PRMT7: variants seen among roughly 807,000 people sequenced by gnomAD.
PRMT7 encodes the protein protein arginine N-methyltransferase 7.
Under a neutral mutation model 85.4 loss-of-function variants are expected in PRMT7, and 75 were observed. That is an observed-to-expected ratio of 0.88 (90% CI 0.73 to 1.06). The LOEUF is 1.06. Ranked by LOEUF, PRMT7 falls within the 50% of genes least tolerant of loss-of-function variation. The probability of loss-of-function intolerance (pLI) is 0.00; values close to 1 mark genes in which losing one functional copy is unlikely to be tolerated. For missense variants in PRMT7, 868 were observed against 915.2 expected, an observed-to-expected ratio of 0.95 and a Z score of 0.67; for synonymous variants, 397 against 359.5, an observed-to-expected ratio of 1.10 and a Z score of -1.18.
At chr16:68,333,846 C>G (rs1015842504) in intron 6 of PRMT7, among the ~76,000 whole-genome samples, 4 of 152,164 alleles carry the variant, frequency 2.6e-5, no homozygotes, top group African/African-American at 9.7e-5. Flanking sequence ...GACCTCGGCT[C>G]ACTGCAACCT....
At chr16:68,312,626 C>T (rs2044059789) in intron 2 of PRMT7, among the ~76,000 whole-genome samples, 1 of 152,134 alleles carries the variant, frequency 6.6e-6, no homozygotes, top group Non-Finnish European at 1.5e-5. Flanking sequence ...TCTATTTCCT[C>T]CTTGTAAATG....
At position 68,329,145 on chromosome 16, in the gene PRMT7, A is replaced by G. The variant is rs753033088; in HGVS notation, c.362A>G (p.Lys121Arg). The stretch of plus-strand genomic sequence containing the variant: ...AGTGATAAGATTAAGGTTATCAACA[A>G]GCATTCCACCGAGGTGACTGTAGGT... The part of the protein sequence containing the change: ...GFSDKIKVIN[K>R]HSTEVTVGPE... Residue 121 changes from lysine to arginine, a missense_variant, in exon 6 of 19, where the codon AAG becomes AGG. Transcript: ENST00000441236. 1.2e-6 allele frequency: 2 copies of G among 1,606,706 alleles called. No individual in the cohort carries two copies. Among genetic ancestry groups the G allele is most frequent in the Admixed American group, 1.7e-5 (1 of 60,000 alleles).
At chr16:68,349,688 G>T (rs1035220127) in intron 14 of PRMT7, among the ~76,000 whole-genome samples, 5 of 152,078 alleles carry the variant, frequency 3.3e-5, no homozygotes, top group Non-Finnish European at 7.4e-5. Context: ...GGACCCAGGA[G>T]TTCAAGACCA....
intron 6 of PRMT7, 65 bp downstream of exon 6, chr16:68,329,239 T>G: frequency 7.9e-7 from 1 of 1,263,290 alleles, no homozygotes; most frequent in Non-Finnish European, 1.1e-6. Context: ...AAAAGGGTTA[T>G]TCCAGTTACC....
At chr16:68,324,492 C>T (rs775464893) in intron 4 of PRMT7, 191 bp from the exon 5 acceptor site, 17 of 616,848 alleles carry the variant, frequency 2.8e-5, no homozygotes, top group Non-Finnish European at 4.3e-5. Context: ...CAGGGACAGT[C>T]GCTTAATAAA....
intron 16 of PRMT7, chr16:68,355,407 T>C: frequency 4.2e-6 from 1 of 237,868 alleles, no homozygotes. Context: ...ACAGCTGTGG[T>C]GGTCACCAAG....
chr16:68,314,294 G>T (rs933770099), intron 2 of PRMT7, among the ~76,000 whole-genome samples: 1 of 152,158 alleles, frequency 6.6e-6, no homozygotes, highest in African/African-American at 2.4e-5. Flanking sequence ...GCAGTGGTGC[G>T]GTCTCAGCTC....
chr16:68,321,301 AC>A, intron 3 of PRMT7, 124 bp from the exon 4 acceptor site: 2 of 724,758 alleles, frequency 2.8e-6, no homozygotes, highest in Non-Finnish European at 4.4e-6. Flanking sequence ...ATAAAAGACA[AC>A]CAAAAAATAG....
At chr16:68,337,964 T>C (rs1418396486) in intron 7 of PRMT7, among the ~76,000 whole-genome samples, 2 of 151,898 alleles carry the variant, frequency 1.3e-5, no homozygotes, top group African/African-American at 2.4e-5. Flanking sequence ...CTGCTTTGGA[T>C]TTTGTGCTGT....
chr16:68,339,597 G>C (rs1178241394), intron 8 of PRMT7, 34 bp downstream of exon 8: 9 of 1,608,270 alleles, frequency 5.6e-6, no homozygotes, highest in Non-Finnish European at 5.9e-6. Context: ...ATGGCGCTTT[G>C]AGACATTTGA....
At position 68,352,038 on chromosome 16, in the gene PRMT7, C is replaced by T. The variant is rs984007694; in HGVS notation, c.1414-210C>T. 8 of 551,128 alleles carry T rather than the reference C, an allele frequency of 1.5e-5. No individual in the cohort carries two copies. In the Admixed American group the frequency reaches 1.6e-4, roughly 11 times the overall value. 34.1% of individuals were successfully genotyped at this position (551,128 alleles called of 1,614,324 possible). A position where few individuals can be genotyped will look rare whatever the true frequency, so the allele number is the denominator to read the frequency against. On this transcript the variant is annotated intron_variant, in intron 14 of 18. Transcript: ENST00000441236. Reference sequence around the variant, plus strand: ...TACAGCCTCCAGGGCAGGTACAGAGCACCTTGCTGCCTTGCTTGTTTGTTG... The same window carrying T: ...TACAGCCTCCAGGGCAGGTACAGAGTACCTTGCTGCCTTGCTTGTTTGTTG...
chr16:68,337,972 TG>T lies in PRMT7; in HGVS notation c.504+402del, dbSNP rs1410999644. Among the ~76,000 whole-genome samples, 5 of 152,000 alleles carry T rather than the reference TG, an allele frequency of 3.3e-5. No individual in the cohort carries two copies. The South Asian group carries it at 6.2e-4, about 19-fold the overall frequency. ...CCGGAGCCTGCTTTGGATTTTGTGC[TG>T]TGTGGGAGGCAGGAGAGATGGGCTT... is the stretch of plus-strand genomic sequence containing the variant. On this transcript the variant is annotated intron_variant, in intron 7 of 18. Coordinates refer to ENST00000441236, the MANE Select transcript of PRMT7 (RefSeq NM_019023.5).
At chr16:68,315,580 C>A (rs942203401) in intron 2 of PRMT7, 1 of 269,150 alleles carries the variant, frequency 3.7e-6, no homozygotes, top group Non-Finnish European at 7.1e-6. Context: ...AGGGCTGCAC[C>A]TAGATGAACT....
At position 68,356,831 on chromosome 16, in the gene PRMT7, A is replaced by G. The variant is rs764309833; in HGVS notation, c.1908+34A>G. ...TGCGCACCGGGCCCAGTGTGCGTGC[A>G]GACCCTGAGAGCAGGCGCCGCCTGG... On this transcript the variant is annotated intron_variant, in intron 18 of 18. Coordinates refer to ENST00000441236, the MANE Select transcript of PRMT7 (RefSeq NM_019023.5). 1.5e-5 allele frequency: 23 copies of G among 1,575,910 alleles called. No homozygotes were observed. The Admixed American group carries it at 2.7e-4, about 18-fold the overall frequency.
intron 9 of PRMT7, among the ~76,000 whole-genome samples, chr16:68,342,725 G>A (rs1253272524): frequency 1.3e-5 from 2 of 152,178 alleles, no homozygotes; most frequent in Admixed American, 1.3e-4. Context: ...AGAAGTATGT[G>A]AGCTTCCTAG....
chr16:68,345,632 C>T, intron 9 of PRMT7, 43 bp from the exon 10 acceptor site: 1 of 1,610,370 alleles, frequency 6.2e-7, no homozygotes, highest in South Asian at 1.1e-5. Flanking sequence ...AAGCATTGCT[C>T]ATACTGCAGC....
chr16:68,319,368 G>A (rs2082223065), intron 3 of PRMT7, among the ~76,000 whole-genome samples: 1 of 152,152 alleles, frequency 6.6e-6, no homozygotes, highest in Non-Finnish European at 1.5e-5. Context: ...AGCAAGGTCA[G>A]AGGCACTGGG....
intron 15 of PRMT7, 132 bp from the exon 16 acceptor site, chr16:68,353,355 GTTCTC>G: frequency 6.7e-7 from 1 of 1,491,528 alleles, no homozygotes; most frequent in African/African-American, 1.4e-5. Context: ...GTGGATCTTT[GTTCTC>G]TCTGAGCCCC....
chr16:68,330,724 A>C (rs2083751093), intron 6 of PRMT7, among the ~76,000 whole-genome samples: 1 of 151,804 alleles, frequency 6.6e-6, no homozygotes, highest in African/African-American at 2.4e-5. Flanking sequence ...CCTCATGAGT[A>C]GCTGGGATTA....
Sources: gnomAD v4.1 joint callset for allele counts (sites outside exome capture counted in the v4.1 genomes callset) on GRCh38, gnomAD v4.1.1 for gene constraint, MANE v1.5 for transcripts, NCBI Gene and HGNC (gene_info 2026-07-23, HGNC 2026-07-21) for gene names.